NGEF: variants seen among roughly 807,000 people sequenced by gnomAD.
NGEF encodes neuronal guanine nucleotide exchange factor, also known as ephexin-1.
In NGEF, 31 loss-of-function variants were observed where a neutral mutation model predicts 80.9. That is an observed-to-expected ratio of 0.38 (90% CI 0.29 to 0.52). The LOEUF (loss-of-function observed/expected upper bound fraction) is 0.52. NGEF is among the 20% of genes least tolerant of loss of function. The probability of loss-of-function intolerance (pLI) is 0.84; values close to 1 mark genes in which losing one functional copy is unlikely to be tolerated. For synonymous variants in NGEF, 371 were observed against 370.2 expected (o/e 1.00, Z -0.03); for missense variants, 709 against 926.2 (o/e 0.77, Z 3.04).
intron 5 of NGEF, among the ~76,000 whole-genome samples, chr2:232,898,956 ATGTG>A (rs753816493): frequency 4.6e-5 from 7 of 151,468 alleles, no homozygotes; most frequent in Non-Finnish European, 8.8e-5. Flanking sequence ...ATGTAAGTGA[ATGTG>A]TGTGTGAATG....
At chr2:232,985,766 A>G (rs1312223373) in intron 1 of NGEF, among the ~76,000 whole-genome samples, 1 of 151,138 alleles carries the variant, frequency 6.6e-6, no homozygotes, top group Non-Finnish European at 1.5e-5. Flanking sequence ...AAACAAAAAC[A>G]AAAACAAAAC....
chr2:232,991,768 G>A (rs1329410991), intron 1 of NGEF, among the ~76,000 whole-genome samples: 1 of 152,138 alleles, frequency 6.6e-6, no homozygotes, highest in Non-Finnish European at 1.5e-5. Flanking sequence ...GGGAATTCAA[G>A]AGACTCATGC....
chr2:232,897,931 C>T (rs891888607), intron 5 of NGEF, among the ~76,000 whole-genome samples: 8 of 152,242 alleles, frequency 5.3e-5, no homozygotes, highest in Non-Finnish European at 8.8e-5. Flanking sequence ...TCTGCCTCAT[C>T]TACCTAAAAA....
intron 9 of NGEF, among the ~76,000 whole-genome samples, chr2:232,885,881 C>T (rs551664901): frequency 9.9e-5 from 15 of 152,256 alleles, no homozygotes; most frequent in Non-Finnish European, 2.9e-5. Flanking sequence ...GAAGTGTGCG[C>T]GAGGGCCTCC....
rs1694261158 is a variant in NGEF, at chr2:232,974,880, C to G, written c.11G>C (p.Arg4Thr). MET[R>T]ESEDLEKTRR... ...GGTCTTTTCCAAATCTTCAGATTCCCTGGTCTCCATGGAAATAGAGCCAGA... is the reference window on the plus strand; with the variant it reads ...GGTCTTTTCCAAATCTTCAGATTCCGTGGTCTCCATGGAAATAGAGCCAGA... Residue 4 changes from arginine to threonine, a missense_variant, in exon 2 of 15, where the codon AGG (arginine) becomes ACG (threonine). Physicochemically the swap from Arg to Thr is moderately conservative, Grantham distance 71. Transcript: ENST00000264051. 1 of 1,613,220 alleles carries G rather than the reference C, an allele frequency of 6.2e-7. No homozygotes were observed. The highest frequency in any genetic ancestry group is 1.7e-5 in the Admixed American group (1 of 59,840).
intron 5 of NGEF, among the ~76,000 whole-genome samples, chr2:232,898,222 C>A (rs756017065): frequency 6.6e-6 from 1 of 152,222 alleles, no homozygotes; most frequent in Non-Finnish European, 1.5e-5. Context: ...AAGGGGAAAA[C>A]CCCCATGCCC....
chr2:233,004,270 G>A (rs1157357854), intron 1 of NGEF, among the ~76,000 whole-genome samples: 1 of 151,982 alleles, frequency 6.6e-6, no homozygotes, highest in Non-Finnish European at 1.5e-5. Context: ...CCCTTCTTCT[G>A]GGGACTCCTC....
chr2:232,896,050 A>G (rs886476818), intron 5 of NGEF, among the ~76,000 whole-genome samples: 4 of 58,662 alleles, frequency 6.8e-5, no homozygotes, highest in African/African-American at 2.6e-4. Context: ...TCACCCTCTG[A>G]TACTTAGGGC....
At chr2:232,976,719 C>T (rs1694303348) in intron 1 of NGEF, among the ~76,000 whole-genome samples, 1 of 152,220 alleles carries the variant, frequency 6.6e-6, no homozygotes, top group African/African-American at 2.4e-5. Flanking sequence ...CATTAACGTA[C>T]TCAGAGGTTG....
chr2:232,949,953 A>G (rs886204934), intron 3 of NGEF, among the ~76,000 whole-genome samples: 2 of 151,902 alleles, frequency 1.3e-5, no homozygotes, highest in African/African-American at 4.8e-5. Flanking sequence ...CTGGGATTAC[A>G]GGTGCCCACC....
At chr2:233,002,699 A>G (rs1695006061) in intron 1 of NGEF, among the ~76,000 whole-genome samples, 1 of 152,206 alleles carries the variant, frequency 6.6e-6, no homozygotes, top group Non-Finnish European at 1.5e-5. Flanking sequence ...AAATGTAGAA[A>G]GCAATTGATT....
intron 5 of NGEF, among the ~76,000 whole-genome samples, chr2:232,897,236 A>G (rs1249831889): frequency 6.6e-6 from 1 of 151,904 alleles, no homozygotes; most frequent in East Asian, 1.9e-4. Context: ...GCCCTGACCC[A>G]GGGCCCAGGG....
chr2:232,919,121 A>T (rs1692877498), intron 5 of NGEF, among the ~76,000 whole-genome samples: 1 of 152,206 alleles, frequency 6.6e-6, no homozygotes, highest in South Asian at 2.1e-4. Context: ...TAGCAACTCC[A>T]TTCATCGCAA....
At chr2:232,963,542 A>G (rs1471748458) in intron 3 of NGEF, among the ~76,000 whole-genome samples, 1 of 152,020 alleles carries the variant, frequency 6.6e-6, no homozygotes, top group Non-Finnish European at 1.5e-5. Context: ...GGCTGGGCAC[A>G]GTGGCTCATG....
At chr2:232,955,482 A>C (rs1223633090) in intron 3 of NGEF, among the ~76,000 whole-genome samples, 1 of 152,106 alleles carries the variant, frequency 6.6e-6, no homozygotes, top group Non-Finnish European at 1.5e-5. Flanking sequence ...CTGTCCTTAA[A>C]CTGGGAGCAG....
intron 5 of NGEF, among the ~76,000 whole-genome samples, chr2:232,903,497 AG>A (rs1236096879): frequency 1.3e-5 from 2 of 152,192 alleles, no homozygotes; most frequent in African/African-American, 4.8e-5. Context: ...TGGGTGGCCC[AG>A]GACAGGAGTG....
At chr2:232,941,116 G>A (rs1444777651) in intron 3 of NGEF, among the ~76,000 whole-genome samples, 8 of 152,244 alleles carry the variant, frequency 5.3e-5, no homozygotes, top group African/African-American at 7.2e-5. Context: ...CTGATTGGTC[G>A]GAGATGAAAT....
At position 232,972,744 on chromosome 2, in the gene NGEF, CTTT is replaced by C. The variant is rs61594239; in HGVS notation, c.268+1876_268+1878del. Reference sequence around the variant, plus strand: ...CTTTCTCCCCAGCCATGTCCTTATCCTTTTTTTTTTTTTTTTTTTTTTTTTTTT... The same window carrying C: ...CTTTCTCCCCAGCCATGTCCTTATCCTTTTTTTTTTTTTTTTTTTTTTTTT... On this transcript the variant is annotated intron_variant, in intron 2 of 14. Transcript: ENST00000264051. Among the ~76,000 whole-genome samples the C allele has an allele frequency of 2.6e-3, 320 of 122,986 alleles. 1 individual carries two copies. The highest frequency in any genetic ancestry group is 8.7e-3 in the African/African-American group (300 of 34,528). The allele number at this position is 122,986 out of a possible 152,430, so 80.7% of individuals were successfully genotyped here.
At chr2:232,928,260 C>CGCCCGGGCTGGGCGCG (rs1413295522) in intron 3 of NGEF, 3 of 753,570 alleles carry the variant, frequency 4.0e-6, no homozygotes, top group African/African-American at 1.9e-5. Flanking sequence ...GGGGCGGGGG[C>CGCCCGGGCTGGGCGCG]GCCCGGGCTG....
Sources: allele counts gnomAD v4.1 joint callset (sites outside exome capture counted in the v4.1 genomes callset), GRCh38; gene constraint gnomAD v4.1.1; transcripts MANE v1.5; gene names NCBI Gene and HGNC (gene_info 2026-07-23, HGNC 2026-07-21).